The following PRH1 variants were observed in gnomAD, a reference collection of about 807,000 sequenced individuals.
PRH1 encodes the protein salivary acidic proline-rich phosphoprotein 1/2.
PRH1 carries 7 observed loss-of-function variants against 7.9 expected under a neutral mutation model. The observed-to-expected ratio is 0.89, with a 90% CI of 0.50 to 1.67. The LOEUF (loss-of-function observed/expected upper bound fraction) is 1.67. Among genes scored for constraint, PRH1 ranks in the 40% most tolerant of loss-of-function variants. The pLI, the probability that PRH1 is intolerant of heterozygous loss-of-function variation, is 0.00. For missense variants in PRH1, 109 were observed against 223.6 expected (o/e 0.49, Z 3.27); for synonymous variants, 45 against 80.8 (o/e 0.56, Z 2.38).
rs552927823 is a variant in PRH1 at position 10,903,606 on chromosome 12, G to T, written c.-58-19331C>A. Among the ~76,000 whole-genome samples, 3 of 151,696 alleles carry T rather than the reference G, an allele frequency of 2.0e-5. No homozygotes were observed. The East Asian group carries it at 5.8e-4, about 29-fold the overall frequency. ...TGCAAAAACTGAAAGCATTCCCCTTGAGAACTGGAACAAGAAAAGGGTCCC... is the reference window on the plus strand; with the variant it reads ...TGCAAAAACTGAAAGCATTCCCCTTTAGAACTGGAACAAGAAAAGGGTCCC... On this transcript the variant is annotated intron_variant, in intron 2 of 3. Coordinates refer to the PRH1 transcript ENST00000539853.
chr12:10,904,144 T>G (rs1044656850), intron 2 of PRH1, among the ~76,000 whole-genome samples: 3 of 151,364 alleles, frequency 2.0e-5, no homozygotes, highest in African/African-American at 7.3e-5. Flanking sequence ...GCTACCAATG[T>G]CATTTTGCAC....
intron 2 of PRH1, among the ~76,000 whole-genome samples, chr12:10,956,245 C>G (rs1178523102): frequency 1.3e-5 from 2 of 152,186 alleles, no homozygotes; most frequent in African/African-American, 4.8e-5. Context: ...CAGGCTTTAT[C>G]ACTGGGATAC....
Position 11,091,902 on chromosome 12 carries a change from T to C in PRH1, n.124-44714A>G. ...AAAATAAAGTTGGAGAAATTGGCAA[T>C]CTTGAGCAAATAAAATATGCTGAGG... is the stretch of plus-strand genomic sequence containing the variant. On this transcript the variant is annotated intron_variant and non_coding_transcript_variant, in intron 1 of 4. Coordinates refer to the PRH1 transcript ENST00000541977. The C allele has an allele frequency of 7.9e-7, 1 of 1,266,624 alleles. No individual in the cohort carries two copies. The allele number at this position is 1,266,624 out of a possible 1,614,324, so 78.5% of individuals were successfully genotyped here.
chr12:11,050,672 T>C (rs1285639776), upstream of PRH1, among the ~76,000 whole-genome samples: 1 of 152,280 alleles, frequency 6.6e-6, no homozygotes, highest in Non-Finnish European at 1.5e-5. Context: ...TTTGCAAATA[T>C]TTCTAAGTAC....
intron 2 of PRH1, among the ~76,000 whole-genome samples, chr12:10,959,059 C>T (rs1938109676): frequency 6.6e-6 from 1 of 152,020 alleles, no homozygotes; most frequent in Non-Finnish European, 1.5e-5. Context: ...ACTAGTATGG[C>T]AGAGTGATGA....
intron 1 of PRH1, among the ~76,000 whole-genome samples, chr12:10,982,859 T>C (rs563096053): frequency 2.0e-5 from 3 of 152,328 alleles, no homozygotes; most frequent in East Asian, 3.9e-4. Context: ...AAATGGCATG[T>C]TGCCCTATAT....
Position 10,883,068 on chromosome 12 carries a change from T to G in PRH1, c.93A>C (p.Val31=). ...GAATTTATTGGGATTTACCTGATAT[T>G]ACGAGGGGAACATCTTCCTGGCTGA... ...EDVSQEDVPL[V]ISDGGDSEQF... The change falls in exon 2 of 4, where the codon GTA becomes GTC. Residue 31 remains valine, a synonymous_variant. Transcript: ENST00000543626. The G allele has an allele frequency of 6.2e-7, 1 of 1,613,374 alleles. No homozygotes were observed. The highest frequency in any genetic ancestry group is 8.5e-7 in the Non-Finnish European group (1 of 1,179,314).
At chr12:11,146,785 C>A (rs1362662150) in intron 1 of PRH1, among the ~76,000 whole-genome samples, 1 of 152,138 alleles carries the variant, frequency 6.6e-6, no homozygotes, top group Non-Finnish European at 1.5e-5. Flanking sequence ...ATGAAAAGTC[C>A]ATTATCCAAA....
chr12:11,137,342 A>C (rs1185138602), intron 1 of PRH1, among the ~76,000 whole-genome samples: 1 of 152,218 alleles, frequency 6.6e-6, no homozygotes, highest in Admixed American at 6.5e-5. Context: ...CATGGAAACA[A>C]AACTGAATCT....
chr12:10,995,990 CATT>C (rs1940206973), intron 1 of PRH1, among the ~76,000 whole-genome samples: 1 of 151,830 alleles, frequency 6.6e-6, no homozygotes, highest in Non-Finnish European at 1.5e-5. Context: ...TTATTTTGTG[CATT>C]GTTATCTAAC....
intron 1 of PRH1, among the ~76,000 whole-genome samples, chr12:11,140,617 T>G (rs550526377): frequency 2.0e-4 from 30 of 152,124 alleles, no homozygotes; most frequent in Non-Finnish European, 3.8e-4. Context: ...TCAAATTAAC[T>G]CCTATTCAAA....
intron 1 of PRH1, chr12:11,022,708 A>C (rs1941723333): frequency 1.5e-6 from 1 of 655,138 alleles, no homozygotes; most frequent in African/African-American, 1.8e-5. Flanking sequence ...GACTAGTGTC[A>C]ACAGGCAAGC....
intron 1 of PRH1, among the ~76,000 whole-genome samples, chr12:11,026,677 C>T (rs12229231): frequency 6.6e-6 from 1 of 152,096 alleles, no homozygotes; most frequent in African/African-American, 2.4e-5. Flanking sequence ...ACCTATCTGG[C>T]CTCTATCAAA....
intron 1 of PRH1, among the ~76,000 whole-genome samples, chr12:11,067,736 G>C (rs2598005): frequency 6.6e-6 from 1 of 151,890 alleles, no homozygotes; most frequent in South Asian, 2.1e-4. Context: ...GGTGGTGCAC[G>C]CCTGTTGTCC....
At chr12:11,081,449 T>C (rs1385649286) in intron 1 of PRH1, among the ~76,000 whole-genome samples, 1 of 115,944 alleles carries the variant, frequency 8.6e-6, no homozygotes, top group African/African-American at 2.9e-5. Context: ...TGTTTTAGTA[T>C]GTTAGAAAAG....
chr12:11,022,589 A>G (rs747541446), intron 1 of PRH1: 1 of 1,567,880 alleles, frequency 6.4e-7, no homozygotes, highest in Admixed American at 1.8e-5. Flanking sequence ...CAGATAAAAA[A>G]ATGCAGGCTT....
chr12:10,929,084 AGG>A (rs1950163955), intron 2 of PRH1, among the ~76,000 whole-genome samples: 1 of 152,194 alleles, frequency 6.6e-6, no homozygotes, highest in African/African-American at 2.4e-5. Context: ...CCTTCCTGCT[AGG>A]CTAGAGTCCC....
chr12:11,086,616 T>TA (rs1312122511), intron 1 of PRH1, among the ~76,000 whole-genome samples: 2 of 150,450 alleles, frequency 1.3e-5, no homozygotes, highest in Non-Finnish European at 3.0e-5. Flanking sequence ...TAATTACCTA[T>TA]AAAAAGGAGA....
chr12:10,986,398 C>T, intron 1 of PRH1: 1 of 1,613,992 alleles, frequency 6.2e-7, no homozygotes, highest in East Asian at 2.2e-5. Flanking sequence ...TATTCTTCTG[C>T]CCACATACTC....
Sources: gnomAD v4.1 joint callset for allele counts (sites outside exome capture counted in the v4.1 genomes callset) on GRCh38, gnomAD v4.1.1 for gene constraint, MANE v1.5 for transcripts, NCBI Gene and HGNC (gene_info 2026-07-23, HGNC 2026-07-21) for gene names.